The following TMED10 variants were observed in gnomAD, a reference collection of about 807,000 sequenced individuals.
The protein encoded by TMED10 is transmembrane emp24 domain-containing protein 10.
TMED10 carries 7 observed loss-of-function variants against 23.1 expected under a neutral mutation model. That is an observed-to-expected ratio of 0.30 (90% CI 0.17 to 0.57). The LOEUF is 0.57. Ranked by LOEUF, TMED10 falls within the 20% of genes least tolerant of loss-of-function variation. The probability of loss-of-function intolerance (pLI) is 0.91; values close to 1 mark genes in which losing one functional copy is unlikely to be tolerated. For missense variants in TMED10, 162 were observed against 274.8 expected (o/e 0.59, Z 2.90); for synonymous variants, 113 against 106.9 (o/e 1.06, Z -0.35).
intron 2 of TMED10, among the ~76,000 whole-genome samples, chr14:75,149,088 T>C (rs376716126): frequency 5.3e-5 from 8 of 152,278 alleles, no homozygotes; most frequent in African/African-American, 1.9e-4. Context: ...AGGTAATTTT[T>C]GTATTTTTTG....
At chr14:75,153,667 G>C (rs892442950) in intron 1 of TMED10, among the ~76,000 whole-genome samples, 2 of 152,030 alleles carry the variant, frequency 1.3e-5, no homozygotes, top group African/African-American at 4.8e-5. Flanking sequence ...TTCTTTTAAG[G>C]GGAAATTTTA....
intron 1 of TMED10, among the ~76,000 whole-genome samples, chr14:75,167,520 G>C (rs1439053734): frequency 1.3e-5 from 2 of 150,964 alleles, no homozygotes; most frequent in Non-Finnish European, 2.9e-5. Context: ...TACAGCTTTG[G>C]GTGAGGGAAA....
intron 3 of TMED10, among the ~76,000 whole-genome samples, chr14:75,143,062 T>C (rs1210663712): frequency 1.3e-5 from 2 of 152,144 alleles, no homozygotes; most frequent in Admixed American, 1.3e-4. Context: ...TTTCACCATG[T>C]TGGCCAAGTT....
At chr14:75,142,247 G>T (rs766809013) in intron 3 of TMED10, among the ~76,000 whole-genome samples, 5 of 152,150 alleles carry the variant, frequency 3.3e-5, no homozygotes, top group Non-Finnish European at 7.4e-5. Context: ...AATAATCAAA[G>T]GATGTTATAG....
At chr14:75,149,811 G>A (rs1465998401) in intron 2 of TMED10, among the ~76,000 whole-genome samples, 1 of 148,686 alleles carries the variant, frequency 6.7e-6, no homozygotes, top group Admixed American at 6.7e-5. Flanking sequence ...AGACAGTAAA[G>A]AACTTCTTTT....
chr14:75,142,255 T>C (rs1489470121), intron 3 of TMED10, among the ~76,000 whole-genome samples: 2 of 152,208 alleles, frequency 1.3e-5, no homozygotes, highest in African/African-American at 4.8e-5. Flanking sequence ...AAGGATGTTA[T>C]AGTTACAAGG....
At chr14:75,155,286 A>G (rs1896008524) in intron 1 of TMED10, among the ~76,000 whole-genome samples, 1 of 152,168 alleles carries the variant, frequency 6.6e-6, no homozygotes. Context: ...TAAGATACCT[A>G]GACCTGTGCT....
rs961005130 is a variant in TMED10 at position 75,160,254 on chromosome 14, A to C, written c.226-8111T>G. 3.9e-5 allele frequency among the ~76,000 whole-genome samples: 6 copies of C among 152,282 alleles called. No individual in the cohort carries two copies. The East Asian group carries it at 9.6e-4, about 24-fold the overall frequency. On this transcript the variant is annotated intron_variant, in intron 1 of 4. Transcript: ENST00000303575. ...TTTAGGAGCCAAGTCATTAGTCTTA[A>C]AGAAAAACAAAACAAAACAAAAATC...
intron 1 of TMED10, among the ~76,000 whole-genome samples, chr14:75,153,777 C>CTTTTTTTTTTTTTT (rs59328978): frequency 2.3e-5 from 3 of 131,752 alleles, no homozygotes; most frequent in South Asian, 2.4e-4. Context: ...TTTTTTTTCC[C>CTTTTTTTTTTTTTT]TTTTTTTTTT....
At chr14:75,143,285 T>C (rs1042027038) in intron 3 of TMED10, among the ~76,000 whole-genome samples, 1 of 152,226 alleles carries the variant, frequency 6.6e-6, no homozygotes, top group African/African-American at 2.4e-5. Context: ...AGCCTTTTTC[T>C]GTATAACACC....
At chr14:75,168,012 T>TA (rs1353051671) in intron 1 of TMED10, among the ~76,000 whole-genome samples, 1 of 152,144 alleles carries the variant, frequency 6.6e-6, no homozygotes, top group African/African-American at 2.4e-5. Flanking sequence ...CTTTATGAAA[T>TA]GAGTAGGGAA....
chr14:75,172,501 G>C (rs1896246892), intron 1 of TMED10, among the ~76,000 whole-genome samples: 2 of 151,960 alleles, frequency 1.3e-5, no homozygotes, highest in South Asian at 2.1e-4. Context: ...GTAGAGACGG[G>C]GTTTCACCGT....
intron 3 of TMED10, among the ~76,000 whole-genome samples, chr14:75,141,982 A>G (rs1895828034): frequency 1.3e-5 from 2 of 152,232 alleles, no homozygotes; most frequent in South Asian, 4.1e-4. Context: ...TCACAGTACA[A>G]AAAGCTAAAA....
At chr14:75,142,823 G>A (rs1035531771) in intron 3 of TMED10, among the ~76,000 whole-genome samples, 1 of 152,004 alleles carries the variant, frequency 6.6e-6, no homozygotes, top group African/African-American at 2.4e-5. Context: ...AGTGTTTCTT[G>A]TATACTAAAA....
At chr14:75,166,933 C>T (rs944696760) in intron 1 of TMED10, among the ~76,000 whole-genome samples, 2 of 146,890 alleles carry the variant, frequency 1.4e-5, no homozygotes, top group Admixed American at 1.4e-4. Context: ...AACATGCATC[C>T]TATTCCTTTT....
At chr14:75,143,269 T>C (rs1263947044) in intron 3 of TMED10, among the ~76,000 whole-genome samples, 2 of 152,160 alleles carry the variant, frequency 1.3e-5, no homozygotes, top group South Asian at 2.1e-4. Context: ...AAGCTACAAG[T>C]TACAAAGCCT....
At chr14:75,161,837 G>A (rs1213150380) in intron 1 of TMED10, among the ~76,000 whole-genome samples, 1 of 150,418 alleles carries the variant, frequency 6.6e-6, no homozygotes, top group Non-Finnish European at 1.5e-5. Flanking sequence ...AAAAAAAAAG[G>A]TACCAGAAAA....
At chr14:75,169,432 C>A (rs1042446456) in intron 1 of TMED10, among the ~76,000 whole-genome samples, 1 of 151,854 alleles carries the variant, frequency 6.6e-6, no homozygotes, top group Admixed American at 6.6e-5. Context: ...GGGAGACGGG[C>A]GGATCACCTG....
rs2139828023 is a variant in TMED10 at position 75,134,225 on chromosome 14, T to C, written c.*660A>G. 6.5e-6 allele frequency: 1 copy of C among 154,292 alleles called. No individual in the cohort carries two copies. The highest frequency in any genetic ancestry group is 2.4e-5 in the African/African-American group (1 of 41,584). The allele number at this position is 154,292 out of a possible 1,614,324, so 9.6% of individuals were successfully genotyped here. A position where few individuals can be genotyped will look rare whatever the true frequency, so the allele number is the denominator to read the frequency against. On this transcript the variant is annotated 3_prime_UTR_variant, in exon 5 of 5. Transcript: ENST00000303575. The stretch of plus-strand genomic sequence containing the variant: ...TGTGATAATATTGCATAGAATTAAA[T>C]ACACATACACGAAAAAAGTTCAAGC...
Sources: allele counts gnomAD v4.1 joint callset (sites outside exome capture counted in the v4.1 genomes callset), GRCh38; gene constraint gnomAD v4.1.1; transcripts MANE v1.5; gene names NCBI Gene and HGNC (gene_info 2026-07-23, HGNC 2026-07-21).